The following FBN2 variants were observed in gnomAD, a reference collection of about 807,000 sequenced individuals.
The protein encoded by FBN2 is fibrillin-2.
In FBN2, 105 loss-of-function variants were observed where a neutral mutation model predicts 355.6. That is an observed-to-expected ratio of 0.30 (90% CI 0.25 to 0.35). The LOEUF is 0.35. Ranked by LOEUF, FBN2 falls within the 10% of genes least tolerant of loss-of-function variation. FBN2 has a pLI of 1.00. For synonymous variants in FBN2, 1,350 were observed against 1,301.2 expected (o/e 1.04, Z -0.81); for missense variants, 3,280 against 3,758.7 (o/e 0.87, Z 3.33).
At chr5:128,416,721 ATTTATTTCT>A (rs1413722590) in intron 7 of FBN2, among the ~76,000 whole-genome samples, 2 of 152,012 alleles carry the variant, frequency 1.3e-5, no homozygotes, top group Non-Finnish European at 2.9e-5. Flanking sequence ...AAATAGGAGG[ATTTATTTCT>A]GGGTTCTCCT....
intron 19 of FBN2, among the ~76,000 whole-genome samples, chr5:128,358,532 C>T (rs1751560407): frequency 6.6e-6 from 1 of 152,070 alleles, no homozygotes; most frequent in East Asian, 1.9e-4. Context: ...AGCGGAATAT[C>T]CAGGTGCTAA....
Position 128,496,482 on chromosome 5 carries a change from A to G in FBN2, c.628+22791T>C, listed in dbSNP as rs565134625. Reference sequence around the variant, plus strand: ...AGTTTCATAATAAAAACACTAAAAAACTAGGAGTAGAAGGGAACTTCCTCA... The same window carrying G: ...AGTTTCATAATAAAAACACTAAAAAGCTAGGAGTAGAAGGGAACTTCCTCA... On this transcript the variant is annotated intron_variant, in intron 5 of 64. Coordinates refer to ENST00000262464, the MANE Select transcript of FBN2 (RefSeq NM_001999.4). Among the ~76,000 whole-genome samples the G allele has an allele frequency of 3.9e-5, 6 of 152,218 alleles. 1 individual carries two copies. In the East Asian group the frequency reaches 7.7e-4, roughly 20 times the overall value.
At chr5:128,463,963 T>C (rs1020714952) in intron 6 of FBN2, among the ~76,000 whole-genome samples, 2 of 152,194 alleles carry the variant, frequency 1.3e-5, no homozygotes, top group African/African-American at 4.8e-5. Flanking sequence ...ATTTAAGAAG[T>C]CATTAGAGAG....
intron 18 of FBN2, among the ~76,000 whole-genome samples, chr5:128,363,916 C>T (rs1022983503): frequency 2.6e-5 from 4 of 152,156 alleles, no homozygotes; most frequent in Non-Finnish European, 2.9e-5. Context: ...AAAATCTGTT[C>T]CTTTTCTAAT....
intron 2 of FBN2, among the ~76,000 whole-genome samples, chr5:128,532,035 A>G (rs1312969864): frequency 6.6e-6 from 1 of 152,188 alleles, no homozygotes; most frequent in Non-Finnish European, 1.5e-5. Flanking sequence ...ACAGCCCACT[A>G]TGCAAAAGCC....
chr5:128,519,683 A>T (rs1756378073), intron 4 of FBN2, among the ~76,000 whole-genome samples: 1 of 151,880 alleles, frequency 6.6e-6, no homozygotes, highest in Non-Finnish European at 1.5e-5. Context: ...GAATGTAACT[A>T]CTCAACCCTC....
intron 5 of FBN2, among the ~76,000 whole-genome samples, chr5:128,517,998 C>G (rs747404372): frequency 7.2e-5 from 11 of 152,128 alleles, no homozygotes; most frequent in Non-Finnish European, 1.6e-4. Context: ...TCACATTTTA[C>G]GAAGTTTAAC....
intron 5 of FBN2, among the ~76,000 whole-genome samples, chr5:128,474,648 C>A (rs1032823848): frequency 2.0e-5 from 3 of 152,180 alleles, no homozygotes; most frequent in Non-Finnish European, 2.9e-5. Flanking sequence ...ACTAAAATTT[C>A]TGCCCAAATC....
At chr5:128,391,186 G>A (rs987913804) in intron 11 of FBN2, among the ~76,000 whole-genome samples, 2 of 152,050 alleles carry the variant, frequency 1.3e-5, no homozygotes, top group Non-Finnish European at 2.9e-5. Context: ...AAGTTTTGGT[G>A]GAATATCAAA....
chr5:128,492,832 GAAGA>G (rs1297130669), intron 5 of FBN2, among the ~76,000 whole-genome samples: 2 of 143,532 alleles, frequency 1.4e-5, no homozygotes, highest in African/African-American at 5.2e-5. Context: ...AAAAAAAAGG[GAAGA>G]AAGAAATACC....
chr5:128,537,481 C>A lies in FBN2; in HGVS notation c.123G>T (p.Gln41His). ...CGGACCGAACCTGTTGCGGCGGCGG[C>A]TGGGGCCGGGGCGGCTTGGGCGGAG... ...QPPPPKPPRP[Q>H]PPPQQVRSAT... The change falls in exon 1 of 65, where the codon CAG becomes CAT. Residue 41 changes from glutamine (Q) to histidine (H), a missense_variant. Transcript: ENST00000262464. The A allele has an allele frequency of 2.5e-6, 4 of 1,597,664 alleles. No homozygotes were observed. The highest frequency in any genetic ancestry group is 3.4e-6 in the Non-Finnish European group (4 of 1,174,022).
intron 2 of FBN2, among the ~76,000 whole-genome samples, chr5:128,534,203 T>C (rs538798822): frequency 1.3e-5 from 2 of 152,306 alleles, no homozygotes; most frequent in East Asian, 1.9e-4. Context: ...TCTCAGATAC[T>C]TTCTTTTGCT....
intron 7 of FBN2, among the ~76,000 whole-genome samples, chr5:128,426,312 T>A (rs1303650979): frequency 6.6e-6 from 1 of 152,178 alleles, no homozygotes; most frequent in Non-Finnish European, 1.5e-5. Flanking sequence ...ACCTTCATAT[T>A]TGAAATTCCC....
intron 8 of FBN2, among the ~76,000 whole-genome samples, chr5:128,396,046 G>A (rs929999011): frequency 1.3e-5 from 2 of 152,192 alleles, no homozygotes; most frequent in African/African-American, 2.4e-5. Context: ...AGACATTCAG[G>A]TGAGAGATGA....
intron 5 of FBN2, among the ~76,000 whole-genome samples, chr5:128,479,976 CTATATATA>C (rs200921131): frequency 0.03 from 869 of 28,780 alleles, 8 homozygotes; most frequent in East Asian, 0.049. Context: ...CTCTCTCTCT[CTATATATA>C]TATATATATA....
intron 11 of FBN2, among the ~76,000 whole-genome samples, chr5:128,383,934 C>T (rs1035344351): frequency 6.6e-6 from 1 of 152,020 alleles, no homozygotes; most frequent in South Asian, 2.1e-4. Flanking sequence ...AGCCACTCCA[C>T]GCCTAGGTAT....
intron 34 of FBN2, among the ~76,000 whole-genome samples, chr5:128,326,899 G>T (rs1443702572): frequency 6.6e-6 from 1 of 152,080 alleles, no homozygotes; most frequent in Admixed American, 6.5e-5. Flanking sequence ...TTGGGGGAGA[G>T]GGAAGTTCTG....
chr5:128,475,941 G>A (rs1017585962), intron 5 of FBN2, among the ~76,000 whole-genome samples: 1 of 152,224 alleles, frequency 6.6e-6, no homozygotes, highest in Admixed American at 6.5e-5. Flanking sequence ...GGAACTGAGA[G>A]ATAGCAAAAG....
Position 128,334,735 on chromosome 5 carries a change from C to T in FBN2, c.4083G>A (p.Gly1361=), listed in dbSNP as rs1750790043. The T allele has an allele frequency of 1.2e-6, 2 of 1,614,030 alleles. No individual in the cohort carries two copies. Among genetic ancestry groups the T allele is most frequent in the African/African-American group, 1.3e-5 (1 of 74,926 alleles). ...HCQLGYSVKK[G]TTGCTDVDEC... ...GAAACCTACCTGTACATCCTGTGGT[C>T]CCCTTCTTCACTGAGTAACCCAGCT... Residue 1361 remains glycine, a synonymous_variant, in exon 31 of 65, where the codon GGG becomes GGA. Coordinates refer to ENST00000262464, the MANE Select transcript of FBN2 (RefSeq NM_001999.4).
Sources: gnomAD v4.1 joint callset for allele counts (sites outside exome capture counted in the v4.1 genomes callset) on GRCh38, gnomAD v4.1.1 for gene constraint, MANE v1.5 for transcripts, NCBI Gene and HGNC (gene_info 2026-07-23, HGNC 2026-07-21) for gene names.